PLPPR1: variants seen among roughly 807,000 people sequenced by gnomAD.
The protein encoded by PLPPR1 is phospholipid phosphatase-related protein type 1.
Under a neutral mutation model 33.1 loss-of-function variants are expected in PLPPR1, and 10 were observed. The ratio of observed to expected loss-of-function variants is 0.30; its 90% CI spans 0.19 to 0.51. The LOEUF (loss-of-function observed/expected upper bound fraction) is 0.51, where lower values mean the gene tolerates loss of function less well. PLPPR1 is among the 20% of genes least tolerant of loss of function. The pLI, the probability that PLPPR1 is intolerant of heterozygous loss-of-function variation, is 0.97. For synonymous variants in PLPPR1, 151 were observed against 151.0 expected (o/e 1.00, Z 0.00); for missense variants, 304 against 408.1 (o/e 0.74, Z 2.20).
At chr9:101,214,875 T>C (rs1056995103) in intron 2 of PLPPR1, among the ~76,000 whole-genome samples, 1 of 151,632 alleles carries the variant, frequency 6.6e-6, no homozygotes, top group Non-Finnish European at 1.5e-5. Context: ...ATACAAAACT[T>C]AGCCAGGCAT....
chr9:101,265,074 G>T (rs764740525), intron 2 of PLPPR1, among the ~76,000 whole-genome samples: 1 of 152,116 alleles, frequency 6.6e-6, no homozygotes, highest in Non-Finnish European at 1.5e-5. Context: ...GTTGGAAAAG[G>T]TTCTCATCCT....
intron 1 of PLPPR1, among the ~76,000 whole-genome samples, chr9:101,089,523 G>C (rs180730459): frequency 7.6e-4 from 116 of 152,242 alleles, no homozygotes; most frequent in Admixed American, 2.3e-3. Flanking sequence ...ATATACACGT[G>C]AAGTACAAAG....
chr9:101,286,891 A>T (rs1409354731), intron 4 of PLPPR1, among the ~76,000 whole-genome samples: 1 of 152,234 alleles, frequency 6.6e-6, no homozygotes, highest in Non-Finnish European at 1.5e-5. Flanking sequence ...TCTATAAATG[A>T]TAACTATTAC....
intron 2 of PLPPR1, among the ~76,000 whole-genome samples, chr9:101,185,978 C>T (rs1826196031): frequency 6.6e-6 from 1 of 151,688 alleles, no homozygotes; most frequent in Non-Finnish European, 1.5e-5. Context: ...GGTCTTTTGC[C>T]TTGGAACCCA....
chr9:101,163,259 C>T (rs944937286), intron 1 of PLPPR1, among the ~76,000 whole-genome samples: 3 of 152,148 alleles, frequency 2.0e-5, no homozygotes. Context: ...AAATAGAGAA[C>T]TGAACTACAA....
intron 1 of PLPPR1, among the ~76,000 whole-genome samples, chr9:101,133,820 T>C (rs1831345952): frequency 6.6e-6 from 1 of 152,132 alleles, no homozygotes; most frequent in African/African-American, 2.4e-5. Flanking sequence ...AGCAGAATAG[T>C]ATGGTGGTTA....
At chr9:101,130,704 G>C (rs977215161) in intron 1 of PLPPR1, among the ~76,000 whole-genome samples, 2 of 152,158 alleles carry the variant, frequency 1.3e-5, no homozygotes, top group African/African-American at 4.8e-5. Context: ...ACTTCTGGGC[G>C]CTTATCTTCT....
rs145227533 is a variant in PLPPR1, at chr9:101,160,103, G to A, written c.-45-25347G>A. On this transcript the variant is annotated intron_variant, in intron 1 of 7. Coordinates refer to ENST00000374874, the MANE Select transcript of PLPPR1 (RefSeq NM_207299.2). ...ACCCATTTGGATTTGTAAAGTGCAT[G>A]CCTGGAGACAGCTTGAGCCTCTAGA... Among the ~76,000 whole-genome samples, 95 of 152,288 alleles carry A rather than the reference G, an allele frequency of 6.2e-4. 1 individual carries two copies. The highest frequency in any genetic ancestry group is 2.1e-3 in the African/African-American group (86 of 41,582).
intron 2 of PLPPR1, among the ~76,000 whole-genome samples, chr9:101,211,062 C>A (rs372293493): frequency 1.3e-5 from 2 of 152,144 alleles, no homozygotes; most frequent in Admixed American, 6.5e-5. Context: ...CCACCGCCCC[C>A]GGCCTATAAT....
At chr9:101,154,720 C>A (rs112019296) in intron 1 of PLPPR1, among the ~76,000 whole-genome samples, 2 of 152,072 alleles carry the variant, frequency 1.3e-5, no homozygotes, top group African/African-American at 4.8e-5. Context: ...CCCAAATGTC[C>A]ATCAATGATA....
intron 6 of PLPPR1, among the ~76,000 whole-genome samples, chr9:101,315,248 G>A (rs545557548): frequency 3.9e-5 from 6 of 152,016 alleles, no homozygotes; most frequent in African/African-American, 1.4e-4. Context: ...TCCCCCTATC[G>A]CCTACTACCA....
chr9:101,078,110 GAAGA>G (rs1830564201), intron 1 of PLPPR1, among the ~76,000 whole-genome samples: 12 of 11,630 alleles, frequency 1.0e-3, no homozygotes, highest in African/African-American at 3.8e-3. Context: ...AGGAGAAGAA[GAAGA>G]AGAAGAAGAA....
intron 1 of PLPPR1, among the ~76,000 whole-genome samples, chr9:101,182,195 A>T (rs1178586528): frequency 2.0e-5 from 3 of 151,686 alleles, no homozygotes; most frequent in African/African-American, 4.8e-5. Flanking sequence ...AAAAAGTTGA[A>T]ATCATAGAAA....
In PLPPR1 at chr9:101,107,692, C is replaced by G. The variant is rs1209933586; in HGVS notation, c.-45-77758C>G. ...TGGGCTCCACCCAGTTCGAGCTTCC[C>G]GGCTGCTTTGTTTACCTAAGCAAGC... On this transcript the variant is annotated intron_variant, in intron 1 of 7. Coordinates refer to ENST00000374874, the MANE Select transcript of PLPPR1 (RefSeq NM_207299.2). 1.6e-4 allele frequency among the ~76,000 whole-genome samples: 15 copies of G among 91,560 alleles called. No individual in the cohort carries two copies. The South Asian group carries it at 2.0e-3, about 12-fold the overall frequency. The allele number at this position is 91,560 out of a possible 152,430, so 60.1% of individuals were successfully genotyped here.
intron 1 of PLPPR1, among the ~76,000 whole-genome samples, chr9:101,052,192 G>A (rs1451374210): frequency 6.6e-6 from 1 of 152,050 alleles, no homozygotes; most frequent in Non-Finnish European, 1.5e-5. Context: ...AACATAATAA[G>A]CACATAATAA....
chr9:101,291,136 A>C (rs1229413048), intron 4 of PLPPR1, among the ~76,000 whole-genome samples: 4 of 152,186 alleles, frequency 2.6e-5, no homozygotes, highest in African/African-American at 4.8e-5. Flanking sequence ...AGGAGATTAT[A>C]TCCCTCACAT....
At chr9:101,029,877 G>A (rs1829921924) in intron 1 of PLPPR1, among the ~76,000 whole-genome samples, 1 of 152,218 alleles carries the variant, frequency 6.6e-6, no homozygotes, top group African/African-American at 2.4e-5. Context: ...CTGCGGCGGC[G>A]GCAGTGGGAA....
At chr9:101,282,219 A>G (rs150566184) in intron 3 of PLPPR1, among the ~76,000 whole-genome samples, 3 of 152,332 alleles carry the variant, frequency 2.0e-5, no homozygotes, top group East Asian at 3.9e-4. Flanking sequence ...ATTTACCATG[A>G]TCATGTGGGA....
intron 1 of PLPPR1, among the ~76,000 whole-genome samples, chr9:101,099,695 C>T (rs540766431): frequency 9.2e-5 from 14 of 152,034 alleles, no homozygotes; most frequent in East Asian, 3.9e-4. Context: ...AATGACCATG[C>T]GTATGTTATA....
Sources: allele counts gnomAD v4.1 joint callset (sites outside exome capture counted in the v4.1 genomes callset), GRCh38; gene constraint gnomAD v4.1.1; transcripts MANE v1.5; gene names NCBI Gene and HGNC (gene_info 2026-07-23, HGNC 2026-07-21).